The following CNKSR1 variants were observed in gnomAD, a reference collection of about 807,000 sequenced individuals.
The protein encoded by CNKSR1 is CNK homolog protein 1.
In CNKSR1, 88 loss-of-function variants were observed where a neutral mutation model predicts 95.6. The observed-to-expected ratio is 0.92, with a 90% CI of 0.78 to 1.10. The LOEUF (loss-of-function observed/expected upper bound fraction) is 1.10, where lower values mean the gene tolerates loss of function less well. Among genes scored for constraint, CNKSR1 ranks in the 50% least tolerant of loss-of-function variants. The probability of loss-of-function intolerance (pLI) is 0.00; values close to 1 mark genes in which losing one functional copy is unlikely to be tolerated. For missense variants in CNKSR1, 836 were observed against 912.0 expected (o/e 0.92, Z 1.07); for synonymous variants, 355 against 369.7 (o/e 0.96, Z 0.46).
Position 26,188,495 on chromosome 1 carries a change from T to C in CNKSR1, c.1582T>C (p.Ser528Pro), listed in dbSNP as rs1159713801. The C allele has an allele frequency of 2.5e-6, 4 of 1,603,446 alleles. No homozygotes were observed. In the Admixed American group the frequency reaches 6.9e-5, roughly 28 times the overall value. ...CCCGGACGATGAGGCTGGGTCCCAC[T>C]CAGCCTCGGTGAGTGGGGGGCTGCC... ...EDPDDEAGSH[S>P]ASPSPAQAGS... is the part of the protein sequence containing the mutation. The change falls in exon 18 of 21, where the codon TCA becomes CCA. Residue 528 changes from serine to proline, a missense_variant. Coordinates refer to ENST00000361530, the MANE Select transcript of CNKSR1 (RefSeq NM_006314.3).
At chr1:26,183,677 GC>G in intron 8 of CNKSR1, 51 bp from the exon 9 acceptor site, 1 of 1,340,070 alleles carries the variant, frequency 7.5e-7, no homozygotes, top group Non-Finnish European at 1.1e-6. Flanking sequence ...GTTGGTGGTT[GC>G]TTTAGAGCCT....
chr1:26,186,833 G>A (rs942123551), intron 14 of CNKSR1: 30 of 326,046 alleles, frequency 9.2e-5, no homozygotes, highest in Non-Finnish European at 1.6e-4. Flanking sequence ...AAACTCCTAG[G>A]CTCAAATGGT....
chr1:26,181,965 T>C (rs1199155004), intron 4 of CNKSR1, 24 bp downstream of exon 4: 3 of 1,609,700 alleles, frequency 1.9e-6, no homozygotes, highest in Non-Finnish European at 2.6e-6. Flanking sequence ...GGGCCAGGCT[T>C]GGCCCATGCC....
At chr1:26,180,657 G>T in intron 2 of CNKSR1, 47 bp downstream of exon 2, 1 of 1,614,108 alleles carries the variant, frequency 6.2e-7, no homozygotes, top group South Asian at 1.1e-5. Context: ...CCAACCTGGG[G>T]GGTGTGATGG....
chr1:26,182,239 AG>A, intron 4 of CNKSR1, 121 bp from the exon 5 acceptor site: 4 of 1,015,902 alleles, frequency 3.9e-6, no homozygotes, highest in Non-Finnish European at 6.0e-6. Context: ...GGTTCTGGGC[AG>A]GGGGCCAGTG....
rs1277421007 is a variant in CNKSR1 at position 26,185,189 on chromosome 1, A to G, written c.1308+3A>G. 2.6e-6 allele frequency: 4 copies of G among 1,552,010 alleles called. No homozygotes were observed. Among genetic ancestry groups the G allele is most frequent in the Admixed American group, 2.0e-5 (1 of 51,098 alleles). On this transcript the variant is annotated splice_donor_region_variant and intron_variant, in intron 14 of 20. Coordinates refer to ENST00000361530, the MANE Select transcript of CNKSR1 (RefSeq NM_006314.3). The stretch of plus-strand genomic sequence containing the variant: ...TCTACTGGTACCGCCAGCCCCAGGT[A>G]AGACCCCATACACAAAAACAGGTAG...
chr1:26,183,095 C>A, intron 6 of CNKSR1, 102 bp from the exon 7 acceptor site: 2 of 1,206,304 alleles, frequency 1.7e-6, no homozygotes, highest in Non-Finnish European at 2.5e-6. Flanking sequence ...TCAGCTCTTG[C>A]CACAGTTCCA....
At chr1:26,183,524 T>C in intron 8 of CNKSR1, 110 bp downstream of exon 8, 1 of 1,236,272 alleles carries the variant, frequency 8.1e-7, no homozygotes, top group African/African-American at 1.5e-5. Context: ...GGGAGCTGCC[T>C]TCCAGGAGAT....
Position 26,183,750 on chromosome 1 carries a change from A to G in CNKSR1, c.775A>G (p.Met259Val), listed in dbSNP as rs1328562300. 6.2e-7 allele frequency: 1 copy of G among 1,613,170 alleles called. No homozygotes were observed. Among genetic ancestry groups the G allele is most frequent in the Non-Finnish European group, 8.5e-7 (1 of 1,179,384 alleles). Reference sequence around the variant, plus strand: ...CCAGGTGGGATGGCCCCGTAAGAACATGGTGAGGGAACTGCTGCGGGAGCC... The same window carrying G: ...CCAGGTGGGATGGCCCCGTAAGAACGTGGTGAGGGAACTGCTGCGGGAGCC... ...QVVVGWPRKN[M>V]VRELLREPAG... Residue 259 changes from methionine to valine, a missense_variant, in exon 9 of 21, where the codon ATG becomes GTG. Transcript: ENST00000361530.
At chr1:26,181,354 G>A (rs1476138246) in intron 3 of CNKSR1, among the ~76,000 whole-genome samples, 1 of 150,248 alleles carries the variant, frequency 6.7e-6, no homozygotes, top group Admixed American at 6.6e-5. Flanking sequence ...CAGGGGCACT[G>A]GGATGCCAGA....
Position 26,184,300 on chromosome 1 carries a change from C to T in CNKSR1, c.1000+13C>T. On this transcript the variant is annotated intron_variant, in intron 11 of 20. Coordinates refer to ENST00000361530, the MANE Select transcript of CNKSR1 (RefSeq NM_006314.3). ...CCTGCCTGGACAGGTAGTCTCAAAG[C>T]TCCATGGATGCCCCGGACACGGCAT... 6.2e-7 allele frequency: 1 copy of T among 1,613,094 alleles called. No homozygotes were observed. The highest frequency in any genetic ancestry group is 8.5e-7 in the Non-Finnish European group (1 of 1,179,246).
chr1:26,186,117 G>T (rs17163635), intron 14 of CNKSR1, among the ~76,000 whole-genome samples: 1,660 of 152,284 alleles, frequency 0.011, 39 homozygotes, highest in African/African-American at 0.038. Flanking sequence ...CACAGCAGAG[G>T]TGTCCAGTCC....
rs147438985 is a variant in CNKSR1, at chr1:26,182,579, C to G, written c.619C>G (p.Pro207Ala). ...AVLEQVQLDS[P>A]LGLEIHTTSN... ...GCTCGAGCAGGTGCAGCTGGACAGT[C>G]CATTGGTGAGCCCTGCCCTCCCACC... The change falls in exon 6 of 21, where the codon CCA (proline) becomes GCA (alanine). Residue 207 changes from proline (P) to alanine (A), a missense_variant. Physicochemically the swap from Pro to Ala is conservative, Grantham distance 27. Transcript: ENST00000361530. 920 of 1,612,202 alleles carry G rather than the reference C, an allele frequency of 5.7e-4. 1 individual carries two copies. The African/African-American group carries it at 8.2e-3, about 14-fold the overall frequency.
At chr1:26,188,122 C>A (rs1304708267) in intron 16 of CNKSR1, 112 bp from the exon 17 acceptor site, 5 of 889,202 alleles carry the variant, frequency 5.6e-6, no homozygotes, top group Non-Finnish European at 9.3e-6. Flanking sequence ...AGAGTTCATC[C>A]CTCTCAGAGT....
Position 26,181,925 on chromosome 1 carries a change from G to T in CNKSR1, c.461G>T (p.Ser154Ile), listed in dbSNP as rs145868405. The T allele has an allele frequency of 1.9e-6, 3 of 1,613,898 alleles. No individual in the cohort carries two copies. The highest frequency in any genetic ancestry group is 2.7e-5 in the African/African-American group (2 of 74,936). ...ATCCGAGACTTGTTGGAGGAGCTGA[G>T]CCAGGTCTTGCATGAGGTAGGAGAA... ...QEIRDLLEEL[S>I]QVLHEDGPAA... is the part of the protein sequence containing the mutation. The change falls in exon 4 of 21, where the codon AGC becomes ATC. Residue 154 changes from serine to isoleucine, a missense_variant. Physicochemically the swap from Ser to Ile is moderately radical, Grantham distance 142. Transcript: ENST00000361530.
intron 13 of CNKSR1, 21 bp downstream of exon 13, chr1:26,184,633 G>A (rs1213979289): frequency 1.3e-6 from 2 of 1,589,278 alleles, no homozygotes; most frequent in Admixed American, 1.8e-5. Flanking sequence ...CGCTGGACTA[G>A]GTGGGGGTTC....
chr1:26,189,248 C>T (rs781270405), intron 20 of CNKSR1, 31 bp from the exon 21 acceptor site: 17 of 1,612,782 alleles, frequency 1.1e-5, no homozygotes, highest in Non-Finnish European at 1.4e-5. Flanking sequence ...CCTGGGTGAT[C>T]ATGGTCCCTT....
Position 26,184,159 on chromosome 1 carries a change from G to T in CNKSR1, c.926+18G>T. On this transcript the variant is annotated intron_variant, in intron 10 of 20. Coordinates refer to ENST00000361530, the MANE Select transcript of CNKSR1 (RefSeq NM_006314.3). Reference sequence around the variant, plus strand: ...TCTCCCAGGTAACAGGCTCTGTCCAGGTGTGTCTTGGTGGGGAGACCGTGG... The same window carrying T: ...TCTCCCAGGTAACAGGCTCTGTCCATGTGTGTCTTGGTGGGGAGACCGTGG... The T allele has an allele frequency of 6.2e-7, 1 of 1,612,534 alleles. No individual in the cohort carries two copies. The highest frequency in any genetic ancestry group is 8.5e-7 in the Non-Finnish European group (1 of 1,179,356).
In CNKSR1 at chr1:26,177,497, C is replaced by G; in HGVS notation, c.-51C>G. 6.2e-7 allele frequency: 1 copy of G among 1,610,140 alleles called. No individual in the cohort carries two copies. ...GCCTGGGCTCTGGGAGCGGAAATTC[C>G]GGCGACAGCAGGGCAAAACAGGAGC... On this transcript the variant is annotated 5_prime_UTR_variant, in exon 1 of 21. Transcript: ENST00000361530.
Sources: allele counts gnomAD v4.1 joint callset (sites outside exome capture counted in the v4.1 genomes callset), GRCh38; gene constraint gnomAD v4.1.1; transcripts MANE v1.5; gene names NCBI Gene and HGNC (gene_info 2026-07-23, HGNC 2026-07-21).